Variants in NMRK1 observed in about 807,000 individuals in gnomAD.
The protein encoded by NMRK1 is nicotinamide riboside kinase 1.
In NMRK1, 28 loss-of-function variants were observed where a neutral mutation model predicts 29.9. The observed-to-expected ratio is 0.94, with a 90% CI of 0.69 to 1.28. NMRK1 has a LOEUF of 1.28. Ranked by LOEUF, NMRK1 falls within the 50% of genes most tolerant of loss-of-function variation. The probability of loss-of-function intolerance (pLI) is 0.00; values close to 1 mark genes in which losing one functional copy is unlikely to be tolerated. For missense variants in NMRK1, 218 were observed against 233.1 expected (o/e 0.94, Z 0.42); for synonymous variants, 58 against 73.0 (o/e 0.79, Z 1.05).
intron 4 of NMRK1, among the ~76,000 whole-genome samples, chr9:75,071,121 G>T (rs1823674952): frequency 6.6e-6 from 1 of 151,628 alleles, no homozygotes; most frequent in African/African-American, 2.4e-5. Context: ...TTTCTCCTGA[G>T]ACTCCAATGA....
intron 8 of NMRK1, among the ~76,000 whole-genome samples, chr9:75,063,512 T>G (rs1823160340): frequency 6.6e-6 from 1 of 152,200 alleles, no homozygotes; most frequent in African/African-American, 2.4e-5. Context: ...TGCCTCATAC[T>G]TTGGATTTAA....
At chr9:75,071,610 A>G (rs981367307) in intron 4 of NMRK1, among the ~76,000 whole-genome samples, 2 of 152,090 alleles carry the variant, frequency 1.3e-5, no homozygotes, top group African/African-American at 4.8e-5. Context: ...TGTAGATCCT[A>G]TTTAATCTTC....
chr9:75,066,119 C>A (rs1224161802), intron 8 of NMRK1: 1 of 318,130 alleles, frequency 3.1e-6, no homozygotes, highest in Non-Finnish European at 6.2e-6. Context: ...TTGGTGATGA[C>A]CTTCAGCAGT....
chr9:75,088,098 T>A lies in NMRK1; in HGVS notation c.-126A>T, dbSNP rs928531531. ...CAGTGCGCCGCTACCCGCAGCTCGC[T>A]CCCCGAGAGGCCCACAGCCCCTTTC... On this transcript the variant is annotated 5_prime_UTR_variant, in exon 1 of 9. Coordinates refer to ENST00000361092, the MANE Select transcript of NMRK1 (RefSeq NM_017881.3). The A allele has an allele frequency of 2.0e-5, 3 of 152,556 alleles. No homozygotes were observed. The highest frequency in any genetic ancestry group is 7.3e-5 in the African/African-American group (3 of 41,354). 9.5% of individuals were successfully genotyped at this position (152,556 alleles called of 1,614,324 possible).
chr9:75,070,994 A>T (rs1214756357), intron 4 of NMRK1, among the ~76,000 whole-genome samples: 1 of 151,436 alleles, frequency 6.6e-6, no homozygotes, highest in Non-Finnish European at 1.5e-5. Flanking sequence ...TTTTTTTTTA[A>T]TCAGACTTAT....
chr9:75,078,893 T>A (rs2118196865), intron 2 of NMRK1, among the ~76,000 whole-genome samples: 1 of 152,340 alleles, frequency 6.6e-6, no homozygotes, highest in African/African-American at 2.4e-5. Context: ...AATTTGTTTT[T>A]AAAAATATTT....
chr9:75,083,854 C>G (rs1824463505), intron 1 of NMRK1, among the ~76,000 whole-genome samples: 1 of 152,062 alleles, frequency 6.6e-6, no homozygotes, highest in Admixed American at 6.5e-5. Flanking sequence ...AACATTTTCA[C>G]AATTTTTTTT....
At position 75,077,192 on chromosome 9, in the gene NMRK1, C is replaced by T. The variant is rs1450798143; in HGVS notation, c.136G>A (p.Glu46Lys). 1 of 1,595,542 alleles carries T rather than the reference C, an allele frequency of 6.3e-7. No homozygotes were observed. The highest frequency in any genetic ancestry group is 1.3e-5 in the African/African-American group (1 of 74,340). The change falls in exon 4 of 9, where the codon GAG becomes AAG. Residue 46 changes from glutamate to lysine, a missense_variant. By Grantham distance (56) the Glu-to-Lys change is moderately conservative. Transcript: ENST00000361092. Reference protein sequence around the residue: ...DDFFKPESEIETDKNGFLQYD... With the variant: ...DDFFKPESEIKTDKNGFLQYD... ...TGCAAAAATCCATTTTTATCTGTCT[C>T]TATCTCAGACTCTGGCTGGAAAAAT...
At chr9:75,068,079 G>A (rs555800342) in intron 7 of NMRK1, among the ~76,000 whole-genome samples, 1 of 152,156 alleles carries the variant, frequency 6.6e-6, no homozygotes, top group South Asian at 2.1e-4. Flanking sequence ...TCCCTTACAG[G>A]TCTGCAATGC....
rs369864793 is a variant in NMRK1 at position 75,083,006 on chromosome 9, C to T, written c.29+81G>A. On this transcript the variant is annotated intron_variant, in intron 2 of 8. Transcript: ENST00000361092. ...GACTCTGGAATCCTCACTGCTTCTC[C>T]GTCCCCCACTCCATCCACACAGAAA... 217 of 1,008,594 alleles carry T rather than the reference C, an allele frequency of 2.2e-4. 1 individual carries two copies. In the African/African-American group the frequency reaches 2.6e-3, roughly 12 times the overall value. The allele number at this position is 1,008,594 out of a possible 1,614,324, so 62.5% of individuals were successfully genotyped here. A position where few individuals can be genotyped will look rare whatever the true frequency, so the allele number is the denominator to read the frequency against.
At chr9:75,071,150 C>T (rs1823676824) in intron 4 of NMRK1, among the ~76,000 whole-genome samples, 1 of 151,966 alleles carries the variant, frequency 6.6e-6, no homozygotes, top group Non-Finnish European at 1.5e-5. Flanking sequence ...TTAGATCTTT[C>T]ATTATTGTTC....
intron 2 of NMRK1, among the ~76,000 whole-genome samples, chr9:75,081,056 A>T (rs943258978): frequency 6.6e-6 from 1 of 152,208 alleles, no homozygotes; most frequent in African/African-American, 2.4e-5. Flanking sequence ...CTGTCTTTAC[A>T]TTTGTGTTAA....
chr9:75,086,217 C>CA (rs1824621524), intron 1 of NMRK1, among the ~76,000 whole-genome samples: 1 of 151,790 alleles, frequency 6.6e-6, no homozygotes, highest in Admixed American at 6.6e-5. Flanking sequence ...CCCATAAAAC[C>CA]AAAAACAAAA....
At chr9:75,067,544 G>A (rs577890315) in intron 7 of NMRK1, among the ~76,000 whole-genome samples, 4 of 152,278 alleles carry the variant, frequency 2.6e-5, no homozygotes, top group African/African-American at 7.2e-5. Flanking sequence ...CAGGAACAGC[G>A]TGAGATGAGA....
In NMRK1 at chr9:75,083,090, C is replaced by T; in HGVS notation, c.26G>A (p.Ser9Asn). ...TGTTTGTAGCAAAATTACTCACCCACTGATTCCAATGATAAATGTTTTCAT... is the reference window on the plus strand; with the variant it reads ...TGTTTGTAGCAAAATTACTCACCCATTGATTCCAATGATAAATGTTTTCAT... MKTFIIGISGVTNSGKTTL... is the reference protein window; with the variant it reads MKTFIIGINGVTNSGKTTL... Residue 9 changes from serine (S) to asparagine (N), a missense_variant, in exon 2 of 9, where the codon AGT (serine) becomes AAT (asparagine). Transcript: ENST00000361092. The T allele has an allele frequency of 6.3e-7, 1 of 1,597,892 alleles. No individual in the cohort carries two copies. Among genetic ancestry groups the T allele is most frequent in the Non-Finnish European group, 8.6e-7 (1 of 1,165,172 alleles).
chr9:75,065,488 TA>T (rs1344153187), intron 8 of NMRK1, among the ~76,000 whole-genome samples: 1 of 151,992 alleles, frequency 6.6e-6, no homozygotes, highest in Non-Finnish European at 1.5e-5. Flanking sequence ...TAAAAAATTT[TA>T]ATTTTTGTAG....
intron 8 of NMRK1, among the ~76,000 whole-genome samples, chr9:75,062,470 T>C (rs1342589372): frequency 1.3e-5 from 2 of 152,186 alleles, no homozygotes; most frequent in Non-Finnish European, 2.9e-5. Context: ...CTCTTCAGTG[T>C]ACAAAACAGA....
At chr9:75,074,120 C>A (rs935376937) in intron 4 of NMRK1, among the ~76,000 whole-genome samples, 1 of 150,594 alleles carries the variant, frequency 6.6e-6, no homozygotes, top group African/African-American at 2.4e-5. Context: ...TGCAGTGGCA[C>A]AACCTTGGCT....
intron 2 of NMRK1, chr9:75,082,856 A>G: frequency 3.9e-6 from 2 of 513,348 alleles, no homozygotes; most frequent in South Asian, 5.9e-5. Flanking sequence ...AATAAATGGG[A>G]AAGTGGGTAA....
Sources: gnomAD v4.1 joint callset for allele counts (sites outside exome capture counted in the v4.1 genomes callset) on GRCh38, gnomAD v4.1.1 for gene constraint, MANE v1.5 for transcripts, NCBI Gene and HGNC (gene_info 2026-07-23, HGNC 2026-07-21) for gene names.